UBE2K: variants seen among roughly 807,000 people sequenced by gnomAD.
UBE2K encodes ubiquitin conjugating enzyme E2 K, also known as ubiquitin-conjugating enzyme E2 K.
A neutral mutation model predicts 30.0 loss-of-function variants in UBE2K; 6 were observed. The observed-to-expected ratio is 0.20, with a 90% confidence interval of 0.11 to 0.39. The LOEUF (loss-of-function observed/expected upper bound fraction) is 0.39. UBE2K is among the 10% of genes least tolerant of loss of function. UBE2K has a pLI of 1.00. For synonymous variants in UBE2K, 86 were observed against 83.7 expected, an observed-to-expected ratio of 1.03 and a Z score of -0.15; for missense variants, 61 against 241.6, an observed-to-expected ratio of 0.25 and a Z score of 4.96.
chr4:39,757,009 T>TGGG (rs781427956), intron 4 of UBE2K, among the ~76,000 whole-genome samples: 3 of 116,306 alleles, frequency 2.6e-5, no homozygotes, highest in East Asian at 5.5e-4. Context: ...TGTTTTTTTT[T>TGGG]TGTTTTTTGT....
intron 1 of UBE2K, chr4:39,714,439 T>C (rs1290025661): frequency 6.4e-6 from 1 of 156,914 alleles, no homozygotes; most frequent in African/African-American, 2.5e-5. Context: ...TTATGCAGAA[T>C]TATCCTCTGA....
chr4:39,726,651 A>G (rs1242084037), intron 1 of UBE2K, among the ~76,000 whole-genome samples: 4 of 152,172 alleles, frequency 2.6e-5, no homozygotes, highest in African/African-American at 9.6e-5. Flanking sequence ...GCTGGAGTGC[A>G]ATGGTGCGAT....
chr4:39,725,709 C>T (rs546243027), intron 1 of UBE2K, among the ~76,000 whole-genome samples: 4 of 152,324 alleles, frequency 2.6e-5, no homozygotes, highest in Non-Finnish European at 5.9e-5. Context: ...AGGGAATTTT[C>T]TTCCATCCTC....
Position 39,747,735 on chromosome 4 carries a change from G to A in UBE2K, c.216+1925G>A, listed in dbSNP as rs1464634674. On this transcript the variant is annotated intron_variant, in intron 3 of 6. Transcript: ENST00000261427. ...GGGTTCACGCCATTCTACTGCCTCA[G>A]CCTCCCAAGTAGCTGGGACTACAGG... is the stretch of plus-strand genomic sequence containing the variant. Among the ~76,000 whole-genome samples, 3 of 151,904 alleles carry A rather than the reference G, an allele frequency of 2.0e-5. No homozygotes were observed. In the East Asian group the frequency reaches 5.8e-4, roughly 29 times the overall value.
In UBE2K at chr4:39,780,642, T is replaced by C. The variant is rs928507275; in HGVS notation, c.*2208T>C. The C allele has an allele frequency of 2.0e-5, 3 of 152,250 alleles. No individual in the cohort carries two copies. Among genetic ancestry groups the C allele is most frequent in the Admixed American group, 1.3e-4 (2 of 15,284 alleles). 9.4% of individuals were successfully genotyped at this position (152,250 alleles called of 1,614,324 possible). On this transcript the variant is annotated 3_prime_UTR_variant, in exon 7 of 7. Coordinates refer to ENST00000261427, the MANE Select transcript of UBE2K (RefSeq NM_005339.5). ...GTTTGAGACATTCTTCATAAAAGAT[T>C]CTTTATTATAAAAATTTACCTCATT...
chr4:39,752,335 C>CTTTTTTTTTTTTTTTT (rs57289268), intron 3 of UBE2K, among the ~76,000 whole-genome samples: 1 of 64,096 alleles, frequency 1.6e-5, no homozygotes, highest in South Asian at 6.6e-4. Context: ...CTTTTTTTTT[C>CTTTTTTTTTTTTTTTT]TTTTTTTTTT....
chr4:39,746,310 T>C (rs1720986329), intron 3 of UBE2K, among the ~76,000 whole-genome samples: 1 of 152,162 alleles, frequency 6.6e-6, no homozygotes, highest in African/African-American at 2.4e-5. Flanking sequence ...CTGTGATAAA[T>C]GTTGAAAGGG....
At chr4:39,771,375 C>CCGTAG in intron 4 of UBE2K, 1 of 1,612,750 alleles carries the variant, frequency 6.2e-7, no homozygotes, top group Non-Finnish European at 8.5e-7. Context: ...TGTTCATGTT[C>CCGTAG]CGTAGCGTAG....
chr4:39,744,590 T>G (rs1331105631), intron 2 of UBE2K, among the ~76,000 whole-genome samples: 1 of 152,040 alleles, frequency 6.6e-6, no homozygotes, highest in East Asian at 1.9e-4. Flanking sequence ...TGGTAAAATT[T>G]TGCATTTTAT....
At chr4:39,771,577 T>G (rs1712854009) in intron 4 of UBE2K, among the ~76,000 whole-genome samples, 1 of 149,850 alleles carries the variant, frequency 6.7e-6, no homozygotes. Flanking sequence ...GGCGGGAGGG[T>G]GTATAGGGCG....
At chr4:39,722,713 A>G (rs1719492842) in intron 1 of UBE2K, among the ~76,000 whole-genome samples, 2 of 152,104 alleles carry the variant, frequency 1.3e-5, no homozygotes, top group African/African-American at 4.8e-5. Flanking sequence ...CACATAAGAC[A>G]GCAGCCCGTG....
intron 4 of UBE2K, among the ~76,000 whole-genome samples, chr4:39,773,888 T>G (rs1372356386): frequency 6.6e-6 from 1 of 150,514 alleles, no homozygotes; most frequent in Admixed American, 6.6e-5. Flanking sequence ...GCCACTGCAC[T>G]CCAGCCTGGG....
intron 4 of UBE2K, among the ~76,000 whole-genome samples, chr4:39,764,688 A>G (rs1712197456): frequency 6.6e-6 from 1 of 152,060 alleles, no homozygotes; most frequent in African/African-American, 2.4e-5. Flanking sequence ...TTGACTTCCC[A>G]AAGTGCTAGG....
At position 39,737,867 on chromosome 4, in the gene UBE2K, A is replaced by G. The variant is rs138032144; in HGVS notation, c.157+354A>G. ...ATCTAAAACAGACCTTGCCTTAAAT[A>G]TCTCATTGGTAAAATGTTGCTTTTG... On this transcript the variant is annotated intron_variant, in intron 2 of 6. Transcript: ENST00000261427. Among the ~76,000 whole-genome samples the G allele has an allele frequency of 2.6e-4, 40 of 152,288 alleles. No homozygotes were observed. In the East Asian group the frequency reaches 7.7e-3, roughly 29 times the overall value.
intron 3 of UBE2K, 94 bp downstream of exon 3, chr4:39,745,904 A>G: frequency 1.0e-6 from 1 of 959,494 alleles, no homozygotes; most frequent in East Asian, 2.9e-5. Context: ...TATTAAAGTC[A>G]CAGCTTTATG....
intron 1 of UBE2K, among the ~76,000 whole-genome samples, chr4:39,701,956 T>A (rs1718037702): frequency 6.6e-6 from 1 of 151,814 alleles, no homozygotes; most frequent in Admixed American, 6.6e-5. Context: ...AGACGACGTT[T>A]CACCATGTTG....
intron 1 of UBE2K, among the ~76,000 whole-genome samples, chr4:39,725,327 A>T (rs924595269): frequency 7.0e-6 from 1 of 143,164 alleles, no homozygotes; most frequent in Non-Finnish European, 1.5e-5. Flanking sequence ...GCAGTGAGCC[A>T]TGATCATGCC....
At chr4:39,759,593 T>C (rs575343979) in intron 4 of UBE2K, among the ~76,000 whole-genome samples, 1 of 152,304 alleles carries the variant, frequency 6.6e-6, no homozygotes, top group East Asian at 1.9e-4. Context: ...CCCTGGTTTA[T>C]TTCTTAATTC....
chr4:39,714,535 TATATA>T (rs1560343692), intron 1 of UBE2K: 12 of 38,642 alleles, frequency 3.1e-4, no homozygotes, highest in African/African-American at 1.6e-3. Flanking sequence ...TATATATATA[TATATA>T]TATATATATA....
Sources: allele counts gnomAD v4.1 joint callset (sites outside exome capture counted in the v4.1 genomes callset), GRCh38; gene constraint gnomAD v4.1.1; transcripts MANE v1.5; gene names NCBI Gene and HGNC (gene_info 2026-07-23, HGNC 2026-07-21).